KSR2: variants seen among roughly 807,000 people sequenced by gnomAD.
KSR2 encodes the protein kinase suppressor of ras 2.
A neutral mutation model predicts 107.8 loss-of-function variants in KSR2; 25 were observed. That is an observed-to-expected ratio of 0.23 (90% CI 0.17 to 0.32). The LOEUF (loss-of-function observed/expected upper bound fraction) is 0.32. KSR2 is among the 10% of genes least tolerant of loss of function. KSR2 has a pLI of 1.00. For missense variants in KSR2, 887 were observed against 1,268.9 expected (o/e 0.70, Z 4.57); for synonymous variants, 480 against 507.0 (o/e 0.95, Z 0.71).
intron 3 of KSR2, among the ~76,000 whole-genome samples, chr12:117,825,631 T>A (rs565332678): frequency 1.3e-5 from 2 of 152,120 alleles, no homozygotes; most frequent in African/African-American, 4.8e-5. Context: ...ACAGTATTTG[T>A]CAGATTCTCA....
intron 5 of KSR2, among the ~76,000 whole-genome samples, chr12:117,637,687 T>TTTTTG (rs1555223748): frequency 1.5e-5 from 2 of 135,832 alleles, no homozygotes; most frequent in Non-Finnish European, 3.1e-5. Context: ...TTTTTTTTTT[T>TTTTTG]TTTTTTTTTT....
At chr12:117,656,195 T>C (rs756646999) in intron 5 of KSR2, among the ~76,000 whole-genome samples, 19 of 152,260 alleles carry the variant, frequency 1.2e-4, no homozygotes, top group Non-Finnish European at 1.9e-4. Context: ...AATATCTTCA[T>C]TTTATTTCCT....
At chr12:117,478,130 A>G (rs935468910) in intron 16 of KSR2, among the ~76,000 whole-genome samples, 1 of 152,144 alleles carries the variant, frequency 6.6e-6, no homozygotes, top group African/African-American at 2.4e-5. Flanking sequence ...GTCATTCAGG[A>G]TGACAGCCTC....
intron 3 of KSR2, among the ~76,000 whole-genome samples, chr12:117,817,329 A>G (rs1891408976): frequency 6.6e-6 from 1 of 152,174 alleles, no homozygotes; most frequent in Middle Eastern, 3.2e-3. Flanking sequence ...GTGTGTCATA[A>G]GAGATAATGA....
intron 5 of KSR2, among the ~76,000 whole-genome samples, chr12:117,593,397 G>A (rs1195487905): frequency 6.6e-6 from 1 of 152,232 alleles, no homozygotes; most frequent in African/African-American, 2.4e-5. Flanking sequence ...AGGGCAGGGG[G>A]AGATGGGAGA....
At chr12:117,778,708 G>A (rs1370108130) in intron 3 of KSR2, among the ~76,000 whole-genome samples, 2 of 152,178 alleles carry the variant, frequency 1.3e-5, no homozygotes, top group Non-Finnish European at 2.9e-5. Context: ...GAGGTGAGAA[G>A]CTTAGGAGGC....
Position 117,734,424 on chromosome 12 carries a change from T to A in KSR2, c.986+26587A>T, listed in dbSNP as rs528669609. ...CCTCAAAAATGTCTCCTGGGGAGCT[T>A]CTCCTAGACCAAATGCAAGGGAGAA... On this transcript the variant is annotated intron_variant, in intron 4 of 19. Transcript: ENST00000339824. Among the ~76,000 whole-genome samples the A allele has an allele frequency of 4.6e-5, 7 of 152,188 alleles. No homozygotes were observed. The East Asian group carries it at 1.4e-3, about 29-fold the overall frequency.
rs559716419 is a variant in KSR2, at chr12:117,930,642, G to A, written c.180+37434C>T. Among the ~76,000 whole-genome samples, 11 of 152,280 alleles carry A rather than the reference G, an allele frequency of 7.2e-5. No homozygotes were observed. In the East Asian group the frequency reaches 1.2e-3, roughly 16 times the overall value. ...ATACTAAAGTTGATGTAGGCTGGGC[G>A]CAGTGGCTCATGCCTATATTCCCAG... is the stretch of plus-strand genomic sequence containing the variant. On this transcript the variant is annotated intron_variant, in intron 1 of 19. Transcript: ENST00000339824.
At chr12:117,785,105 C>T (rs561233031) in intron 3 of KSR2, among the ~76,000 whole-genome samples, 5 of 152,238 alleles carry the variant, frequency 3.3e-5, no homozygotes, top group Admixed American at 1.3e-4. Context: ...AAATCCTGAC[C>T]AATTTTCAAA....
intron 1 of KSR2, among the ~76,000 whole-genome samples, chr12:117,894,491 C>T (rs1184520797): frequency 6.6e-6 from 1 of 151,466 alleles, no homozygotes; most frequent in Non-Finnish European, 1.5e-5. Flanking sequence ...ACAGAGAGAT[C>T]TCATCCCTAA....
intron 5 of KSR2, among the ~76,000 whole-genome samples, chr12:117,648,269 C>T (rs935613874): frequency 5.3e-5 from 8 of 152,136 alleles, no homozygotes; most frequent in Non-Finnish European, 1.5e-5. Flanking sequence ...AGAGCAATGA[C>T]TGACTTGGAC....
chr12:117,505,937 G>A (rs927340758), intron 14 of KSR2, among the ~76,000 whole-genome samples: 1 of 152,060 alleles, frequency 6.6e-6, no homozygotes, highest in African/African-American at 2.4e-5. Context: ...GCACACCTCT[G>A]TTTCAACACT....
intron 1 of KSR2, among the ~76,000 whole-genome samples, chr12:117,962,999 A>G (rs1024096358): frequency 8.6e-5 from 12 of 138,916 alleles, no homozygotes; most frequent in Non-Finnish European, 1.9e-4. Flanking sequence ...AGCCTGGCCA[A>G]TAGGCTGGTC....
intron 1 of KSR2, among the ~76,000 whole-genome samples, chr12:117,937,453 T>G (rs528576340): frequency 6.6e-6 from 1 of 152,170 alleles, no homozygotes; most frequent in African/African-American, 2.4e-5. Flanking sequence ...TGTTCTGGTG[T>G]TAAAGAACCT....
At chr12:117,694,891 CT>C (rs1407999044) in intron 4 of KSR2, among the ~76,000 whole-genome samples, 1 of 138,170 alleles carries the variant, frequency 7.2e-6, no homozygotes, top group East Asian at 2.2e-4. Context: ...ACTCTGTTGC[CT>C]CAAGCTGGAG....
At chr12:117,637,477 C>T (rs549687785) in intron 5 of KSR2, among the ~76,000 whole-genome samples, 1 of 152,274 alleles carries the variant, frequency 6.6e-6, no homozygotes, top group East Asian at 1.9e-4. Context: ...GGTTGAGAAA[C>T]TGATCACATC....
chr12:117,804,070 T>G (rs746250612), intron 3 of KSR2, among the ~76,000 whole-genome samples: 6 of 152,154 alleles, frequency 3.9e-5, no homozygotes, highest in Non-Finnish European at 8.8e-5. Context: ...TGAGACAGGA[T>G]TTTGCTCTGT....
intron 1 of KSR2, among the ~76,000 whole-genome samples, chr12:117,917,442 T>C (rs999130447): frequency 6.6e-6 from 1 of 152,066 alleles, no homozygotes; most frequent in Admixed American, 6.5e-5. Flanking sequence ...TTCAGGAAGA[T>C]GAAGTGAGAA....
At chr12:117,943,918 A>G (rs2137543598) in intron 1 of KSR2, among the ~76,000 whole-genome samples, 1 of 152,232 alleles carries the variant, frequency 6.6e-6, no homozygotes, top group South Asian at 2.1e-4. Flanking sequence ...CTTGGTTCTC[A>G]TTCACTCTTG....
Sources: gnomAD v4.1 joint callset for allele counts (sites outside exome capture counted in the v4.1 genomes callset) on GRCh38, gnomAD v4.1.1 for gene constraint, MANE v1.5 for transcripts, NCBI Gene and HGNC (gene_info 2026-07-23, HGNC 2026-07-21) for gene names.